BMPR2: variants seen among roughly 807,000 people sequenced by gnomAD.
BMPR2 encodes the protein bone morphogenetic protein receptor type 2, also known as bone morphogenetic protein receptor type-2.
A neutral mutation model predicts 100.8 loss-of-function variants in BMPR2; 29 were observed. The observed-to-expected ratio is 0.29, with a 90% CI of 0.21 to 0.39. The LOEUF (loss-of-function observed/expected upper bound fraction) is 0.39, where lower values mean the gene tolerates loss of function less well. Ranked by LOEUF, BMPR2 falls within the 10% of genes least tolerant of loss-of-function variation. BMPR2 has a pLI of 1.00. For missense variants in BMPR2, 1,011 were observed against 1,274.5 expected (o/e 0.79, Z 3.15); for synonymous variants, 382 against 442.3 (o/e 0.86, Z 1.71).
chr2:202,496,896 A>C (rs1456244358), intron 3 of BMPR2, among the ~76,000 whole-genome samples: 2 of 152,320 alleles, frequency 1.3e-5, no homozygotes, highest in East Asian at 3.9e-4. Context: ...TTCAGCTTGC[A>C]GGGAGGTGTG....
intron 1 of BMPR2, among the ~76,000 whole-genome samples, chr2:202,439,933 T>G (rs1691698274): frequency 6.7e-6 from 1 of 150,172 alleles, no homozygotes; most frequent in Non-Finnish European, 1.5e-5. Flanking sequence ...TACTTGAGAT[T>G]AGGGAGTTCA....
At chr2:202,395,635 A>G (rs1035889000) in intron 1 of BMPR2, among the ~76,000 whole-genome samples, 2 of 152,206 alleles carry the variant, frequency 1.3e-5, no homozygotes, top group Admixed American at 1.3e-4. Flanking sequence ...ACAGGTAGGG[A>G]TAAAAGCTTA....
chr2:202,495,213 G>A lies in BMPR2; in HGVS notation c.419-18506G>A, dbSNP rs1276084377. Reference sequence around the variant, plus strand: ...CCCAGGGTTTCCTGCCTTGGTGTACGGGAAGAGTCGGCTCACACCTGGGCT... The same window carrying A: ...CCCAGGGTTTCCTGCCTTGGTGTACAGGAAGAGTCGGCTCACACCTGGGCT... On this transcript the variant is annotated intron_variant, in intron 3 of 12. Coordinates refer to ENST00000374580, the MANE Select transcript of BMPR2 (RefSeq NM_001204.7). This position sits in a 1 kb window ranked among gnomAD's most constrained non-coding sequence, Gnocchi z 4.5. Among the ~76,000 whole-genome samples the A allele has an allele frequency of 6.6e-6, 1 of 152,196 alleles. No individual in the cohort carries two copies. The highest frequency in any genetic ancestry group is 2.1e-4 in the South Asian group (1 of 4,826).
intron 1 of BMPR2, among the ~76,000 whole-genome samples, chr2:202,387,962 T>C (rs902550374): frequency 1.3e-5 from 2 of 152,228 alleles, no homozygotes; most frequent in African/African-American, 2.4e-5. Context: ...ATGTGGGATA[T>C]AACTTTTCTG....
intron 7 of BMPR2, among the ~76,000 whole-genome samples, chr2:202,527,260 G>A (rs953733462): frequency 2.3e-4 from 35 of 152,096 alleles, no homozygotes; most frequent in Non-Finnish European, 4.1e-4. Flanking sequence ...GGCCGAGGTG[G>A]GTGGATCGTG....
chr2:202,466,718 C>A (rs1457361395), intron 2 of BMPR2, among the ~76,000 whole-genome samples: 2 of 151,896 alleles, frequency 1.3e-5, no homozygotes, highest in African/African-American at 4.8e-5. Flanking sequence ...CTCAAGCAAT[C>A]CCCCCAAGTC....
intron 3 of BMPR2, among the ~76,000 whole-genome samples, chr2:202,492,521 A>G (rs1692922917): frequency 6.6e-6 from 1 of 151,690 alleles, no homozygotes; most frequent in Non-Finnish European, 1.5e-5. Flanking sequence ...CCAACATAGC[A>G]AAACCCCTTC....
intron 1 of BMPR2, among the ~76,000 whole-genome samples, chr2:202,436,098 T>A (rs1691608886): frequency 6.6e-6 from 1 of 150,868 alleles, no homozygotes; most frequent in Non-Finnish European, 1.5e-5. Context: ...TATACTAAGT[T>A]AACTATAAAA....
chr2:202,487,872 G>T (rs1169356811), intron 3 of BMPR2, among the ~76,000 whole-genome samples: 2 of 152,110 alleles, frequency 1.3e-5, no homozygotes, highest in Non-Finnish European at 2.9e-5. Context: ...CCAACACCCG[G>T]CCAATTTTTG....
intron 3 of BMPR2, among the ~76,000 whole-genome samples, chr2:202,504,465 A>G (rs2105994173): frequency 6.6e-6 from 1 of 152,024 alleles, no homozygotes; most frequent in Admixed American, 6.6e-5. Context: ...CGAGACCACA[A>G]ACCCACCAGA....
At chr2:202,409,949 A>T (rs1690980335) in intron 1 of BMPR2, among the ~76,000 whole-genome samples, 1 of 152,166 alleles carries the variant, frequency 6.6e-6, no homozygotes, top group African/African-American at 2.4e-5. Flanking sequence ...ATACCACAGT[A>T]GCAGTGACCA....
chr2:202,452,053 C>G (rs1321400059), intron 1 of BMPR2, among the ~76,000 whole-genome samples: 2 of 152,062 alleles, frequency 1.3e-5, no homozygotes, highest in African/African-American at 4.8e-5. Flanking sequence ...TGCGCCTGGC[C>G]AATTCGGTGA....
chr2:202,544,442 A>C (rs1418136830), intron 10 of BMPR2, among the ~76,000 whole-genome samples: 1 of 152,128 alleles, frequency 6.6e-6, no homozygotes, highest in Non-Finnish European at 1.5e-5. Flanking sequence ...TATTTTCTTC[A>C]CAACTTTGAA....
chr2:202,510,667 G>GT lies in BMPR2; in HGVS notation c.419-3043dup, dbSNP rs201512579. Among the ~76,000 whole-genome samples the GT allele has an allele frequency of 9.5e-3, 1,428 of 150,158 alleles. 15 individuals are homozygous for GT. Among genetic ancestry groups the GT allele is most frequent in the African/African-American group, 0.017 (715 of 40,946 alleles). ...CAAATTCTAAAATGAGGTTTTTTTTGTTTTTTTTTGTTTATTTGTTTGTTT... is the reference window on the plus strand; with the variant it reads ...CAAATTCTAAAATGAGGTTTTTTTTGTTTTTTTTTTGTTTATTTGTTTGTTT... On this transcript the variant is annotated intron_variant, in intron 3 of 12. Transcript: ENST00000374580.
At position 202,555,502 on chromosome 2, in the gene BMPR2, A is replaced by T. The variant is rs141038240; in HGVS notation, c.1837A>T (p.Thr613Ser). Residue 613 changes from threonine to serine, a missense_variant, in exon 12 of 13, where the codon ACA becomes TCA. Transcript: ENST00000374580. The stretch of plus-strand genomic sequence containing the variant: ...TGTCACCAGCCTCTCCACCAACACA[A>T]CAACCACAAACACCACAGGACTCAC... ...TSVTSLSTNT[T>S]TTNTTGLTPS... 3 of 1,614,110 alleles carry T rather than the reference A, an allele frequency of 1.9e-6. No homozygotes were observed. The highest frequency in any genetic ancestry group is 2.5e-6 in the Non-Finnish European group (3 of 1,179,986).
In BMPR2 at chr2:202,566,332, T is replaced by A. The variant is rs1411868785; in HGVS notation, c.*6386T>A. 1.3e-5 allele frequency: 2 copies of A among 152,650 alleles called. No homozygotes were observed. Among genetic ancestry groups the A allele is most frequent in the Non-Finnish European group, 2.9e-5 (2 of 68,018 alleles). 9.5% of individuals were successfully genotyped at this position (152,650 alleles called of 1,614,324 possible). On this transcript the variant is annotated 3_prime_UTR_variant, in exon 13 of 13. Transcript: ENST00000374580. ...AGTTCAATTGTTAGCAAGTAAGCAA[T>A]TAGATCCAGTTGAATATTTAAAGTG...
intron 9 of BMPR2, among the ~76,000 whole-genome samples, chr2:202,537,715 TAAG>T (rs1461157150): frequency 1.3e-5 from 2 of 152,000 alleles, no homozygotes; most frequent in Non-Finnish European, 2.9e-5. Context: ...AATAAAGGAA[TAAG>T]AAGAGAGTTG....
chr2:202,469,034 T>C (rs913737033), intron 3 of BMPR2, among the ~76,000 whole-genome samples: 1 of 152,172 alleles, frequency 6.6e-6, no homozygotes, highest in African/African-American at 2.4e-5. Flanking sequence ...GGTTTTGTTT[T>C]GTTTTGTTTT....
rs540456445 is a variant in BMPR2 at position 202,499,598 on chromosome 2, C to T, written c.419-14121C>T. Among the ~76,000 whole-genome samples the T allele has an allele frequency of 3.1e-4, 47 of 152,244 alleles. No homozygotes were observed. In the East Asian group the frequency reaches 4.3e-3, roughly 14 times the overall value. On this transcript the variant is annotated intron_variant, in intron 3 of 12. Coordinates refer to ENST00000374580, the MANE Select transcript of BMPR2 (RefSeq NM_001204.7). The stretch of plus-strand genomic sequence containing the variant: ...TCCTTCTGCCTTCCTCGAGCGGCTA[C>T]GAGAGGCCTTAAGAAAATATACTCC...
Sources: gnomAD v4.1 joint callset for allele counts (sites outside exome capture counted in the v4.1 genomes callset) on GRCh38, gnomAD v4.1.1 for gene constraint, Gnocchi (gnomAD v3.1) non-coding constraint, MANE v1.5 for transcripts, NCBI Gene and HGNC (gene_info 2026-07-23, HGNC 2026-07-21) for gene names.